The following RASSF2 variants were observed in gnomAD, a reference collection of about 807,000 sequenced individuals.
The protein encoded by RASSF2 is Ras association domain family member 2.
RASSF2 carries 34 observed loss-of-function variants against 46.3 expected under a neutral mutation model. The observed-to-expected ratio is 0.73, with a 90% CI of 0.56 to 0.98. The LOEUF (loss-of-function observed/expected upper bound fraction) is 0.98. Ranked by LOEUF, RASSF2 falls within the 50% of genes least tolerant of loss-of-function variation. The pLI is 0.00. For missense variants in RASSF2, 364 were observed against 431.2 expected, an observed-to-expected ratio of 0.84 and a Z score of 1.38; for synonymous variants, 158 against 162.5, an observed-to-expected ratio of 0.97 and a Z score of 0.21.
At chr20:4,802,842 T>C (rs1926989887) in intron 2 of RASSF2, among the ~76,000 whole-genome samples, 1 of 151,198 alleles carries the variant, frequency 6.6e-6, no homozygotes, top group South Asian at 2.1e-4. Context: ...ATTTTATGTG[T>C]ATTTTACCAC....
intron 11 of RASSF2, 121 bp from the exon 12 acceptor site, chr20:4,784,463 C>T (rs1925115051): frequency 2.4e-6 from 2 of 840,768 alleles, no homozygotes. Flanking sequence ...AAGTGCCCTG[C>T]TCCTTTGCTT....
chr20:4,794,146 T>C (rs1227743017), intron 5 of RASSF2, among the ~76,000 whole-genome samples: 1 of 152,192 alleles, frequency 6.6e-6, no homozygotes, highest in African/African-American at 2.4e-5. Flanking sequence ...CAAGTACAGC[T>C]GGGCATGGTG....
In RASSF2 at chr20:4,798,004, C is replaced by T. The variant is rs1404437050; in HGVS notation, c.135+6G>A. 6.2e-7 allele frequency: 1 copy of T among 1,613,682 alleles called. No homozygotes were observed. The highest frequency in any genetic ancestry group is 8.5e-7 in the Non-Finnish European group (1 of 1,179,860). On this transcript the variant is annotated splice_donor_region_variant and intron_variant, in intron 4 of 11. Transcript: ENST00000379400. The stretch of plus-strand genomic sequence containing the variant: ...CCAATCAGGGCCGTCCCTGGGGACT[C>T]CTTACCTCCCGGTGCCGGAGCTGTA...
intron 10 of RASSF2, among the ~76,000 whole-genome samples, chr20:4,787,330 A>C (rs2422985): frequency 6.6e-6 from 1 of 152,064 alleles, no homozygotes; most frequent in Admixed American, 6.5e-5. Context: ...TACTGCCCCA[A>C]AAGCCTGGGC....
intron 2 of RASSF2, among the ~76,000 whole-genome samples, chr20:4,808,007 G>A (rs1200487075): frequency 1.3e-5 from 2 of 152,196 alleles, no homozygotes; most frequent in Non-Finnish European, 2.9e-5. Flanking sequence ...CTAACAGAGG[G>A]CCGGAAATTC....
intron 2 of RASSF2, among the ~76,000 whole-genome samples, chr20:4,816,257 G>A (rs1029489316): frequency 1.3e-5 from 2 of 152,158 alleles, no homozygotes; most frequent in African/African-American, 4.8e-5. Context: ...AGTCAGCCAT[G>A]ACCACACCTC....
At chr20:4,786,401 A>G in intron 10 of RASSF2, 73 bp from the exon 11 acceptor site, 1 of 1,262,794 alleles carries the variant, frequency 7.9e-7, no homozygotes, top group South Asian at 1.2e-5. Context: ...GGTTGTCCTT[A>G]TACAAGGCAC....
At chr20:4,786,803 G>A (rs1424880488) in intron 10 of RASSF2, among the ~76,000 whole-genome samples, 2 of 152,168 alleles carry the variant, frequency 1.3e-5, no homozygotes, top group Non-Finnish European at 2.9e-5. Flanking sequence ...TAAAAACGGT[G>A]CCAGGCATCG....
intron 5 of RASSF2, among the ~76,000 whole-genome samples, chr20:4,794,565 G>A (rs1320408606): frequency 1.3e-5 from 2 of 151,612 alleles, no homozygotes; most frequent in South Asian, 4.2e-4. Context: ...AAAAAAGGTC[G>A]GGGTGGGGCG....
intron 2 of RASSF2, among the ~76,000 whole-genome samples, chr20:4,809,568 C>T (rs960945879): frequency 3.3e-5 from 5 of 151,690 alleles, no homozygotes; most frequent in African/African-American, 1.2e-4. Flanking sequence ...CCCCCAGCTC[C>T]CAGCCTGTGC....
intron 2 of RASSF2, among the ~76,000 whole-genome samples, chr20:4,804,923 G>A (rs1435603423): frequency 2.0e-5 from 3 of 152,020 alleles, no homozygotes; most frequent in Non-Finnish European, 4.4e-5. Flanking sequence ...GGGTCCTGGG[G>A]GGCTTTCTGG....
intron 2 of RASSF2, among the ~76,000 whole-genome samples, chr20:4,801,433 A>T (rs576541884): frequency 1.3e-5 from 2 of 152,344 alleles, no homozygotes; most frequent in East Asian, 3.9e-4. Context: ...GCCCGATTCT[A>T]CTGAGGTCTA....
rs1160410975 is a variant in RASSF2 at position 4,790,952 on chromosome 20, A to C, written c.377-341T>G. On this transcript the variant is annotated intron_variant, in intron 6 of 11. Transcript: ENST00000379400. This position sits in a 1 kb window ranked among gnomAD's most constrained non-coding sequence, Gnocchi z 4.3. ...GGGTTGCTGAGGGTTTAAATGAGTTAGTATACATAAAGCACTTAGAATAGT... is the reference window on the plus strand; with the variant it reads ...GGGTTGCTGAGGGTTTAAATGAGTTCGTATACATAAAGCACTTAGAATAGT... Among the ~76,000 whole-genome samples the C allele has an allele frequency of 6.6e-6, 1 of 152,200 alleles. No homozygotes were observed. Among genetic ancestry groups the C allele is most frequent in the Non-Finnish European group, 1.5e-5 (1 of 68,030 alleles).
intron 6 of RASSF2, among the ~76,000 whole-genome samples, chr20:4,791,967 C>T (rs564390373): frequency 6.6e-6 from 1 of 152,282 alleles, no homozygotes; most frequent in East Asian, 1.9e-4. Flanking sequence ...GAAACTACAT[C>T]CAACCAGGCG....
At chr20:4,809,014 G>A (rs2122620962) in intron 2 of RASSF2, among the ~76,000 whole-genome samples, 1 of 152,342 alleles carries the variant, frequency 6.6e-6, no homozygotes, top group East Asian at 1.9e-4. Flanking sequence ...TGAGACATGA[G>A]TCTCCCAGGT....
intron 3 of RASSF2, among the ~76,000 whole-genome samples, chr20:4,799,698 G>C (rs1215672109): frequency 6.6e-6 from 1 of 152,234 alleles, no homozygotes; most frequent in Non-Finnish European, 1.5e-5. Context: ...GTTGGTAGAA[G>C]TCCCTGGGGA....
At chr20:4,808,682 C>T (rs1254844292) in intron 2 of RASSF2, among the ~76,000 whole-genome samples, 2 of 151,976 alleles carry the variant, frequency 1.3e-5, no homozygotes, top group African/African-American at 2.4e-5. Flanking sequence ...GATGGAGTCT[C>T]ACTATGTTGC....
chr20:4,799,196 C>T (rs1364413520), intron 3 of RASSF2, among the ~76,000 whole-genome samples: 2 of 152,156 alleles, frequency 1.3e-5, no homozygotes, highest in African/African-American at 4.8e-5. Flanking sequence ...CTTAGAAACT[C>T]CCCCTCTGAA....
intron 8 of RASSF2, 147 bp downstream of exon 8, chr20:4,789,449 C>A: frequency 1.6e-6 from 1 of 643,158 alleles, no homozygotes. Flanking sequence ...TGGACTTTGT[C>A]CTGGATCGTG....
Sources: gnomAD v4.1 joint callset for allele counts (sites outside exome capture counted in the v4.1 genomes callset) on GRCh38, gnomAD v4.1.1 for gene constraint, Gnocchi (gnomAD v3.1) non-coding constraint, MANE v1.5 for transcripts, NCBI Gene and HGNC (gene_info 2026-07-23, HGNC 2026-07-21) for gene names.